The following PDGFRL variants were observed in gnomAD, a reference collection of about 807,000 sequenced individuals.
The protein encoded by PDGFRL is platelet-derived growth factor receptor-like protein.
A neutral mutation model predicts 37.2 loss-of-function variants in PDGFRL; 46 were observed. The ratio of observed to expected loss-of-function variants is 1.24; its 90% CI spans 0.98 to 1.58. The LOEUF (loss-of-function observed/expected upper bound fraction) is 1.58, where lower values mean the gene tolerates loss of function less well. Among genes scored for constraint, PDGFRL ranks in the 40% most tolerant of loss-of-function variants. The probability of loss-of-function intolerance (pLI) is 0.00; values close to 1 mark genes in which losing one functional copy is unlikely to be tolerated. For synonymous variants in PDGFRL, 251 were observed against 184.3 expected (o/e 1.36, Z -2.93); for missense variants, 692 against 467.6 (o/e 1.48, Z -4.43).
At chr8:17,600,598 G>C (rs1804145968) in intron 2 of PDGFRL, among the ~76,000 whole-genome samples, 1 of 151,546 alleles carries the variant, frequency 6.6e-6, no homozygotes, top group African/African-American at 2.4e-5. Flanking sequence ...CCAGGACTTT[G>C]AGACCAGCCT....
At chr8:17,590,660 C>T (rs1803917134) in intron 2 of PDGFRL, among the ~76,000 whole-genome samples, 1 of 151,404 alleles carries the variant, frequency 6.6e-6, no homozygotes, top group African/African-American at 2.4e-5. Context: ...TACAGTGAGC[C>T]GAGTTCGTAC....
upstream of PDGFRL, chr8:17,576,444 G>C (rs1039831474): frequency 1.3e-5 from 2 of 152,946 alleles, no homozygotes; most frequent in Non-Finnish European, 2.9e-5. Flanking sequence ...CTTCTGCCTT[G>C]TTATCAGAGG....
intron 5 of PDGFRL, among the ~76,000 whole-genome samples, chr8:17,640,754 TGCCAGGAGGTGGCACTTTAAAGACA>T: frequency 6.6e-6 from 1 of 152,254 alleles, no homozygotes; most frequent in East Asian, 1.9e-4. Flanking sequence ...GTTGGTCTTC[TGCCAGGAGGTGGCACTTTAAAGACA>T]GCATTAGCTG....
rs1221026647 is a variant in PDGFRL at position 17,589,480 on chromosome 8, A to G, written c.68A>G (p.His23Arg). The G allele has an allele frequency of 6.2e-7, 1 of 1,613,040 alleles. No homozygotes were observed. Among genetic ancestry groups the G allele is most frequent in the South Asian group, 1.1e-5 (1 of 91,036 alleles). ...TTACGTTTTGCAGTTACTGGCCAACACCTTCCCAAGAACAAGCGTCCAAAA... is the reference window on the plus strand; with the variant it reads ...TTACGTTTTGCAGTTACTGGCCAACGCCTTCCCAAGAACAAGCGTCCAAAA... The part of the protein sequence containing the change: ...HEALEDVTGQ[H>R]LPKNKRPKEP... The change falls in exon 2 of 6, where the codon CAC becomes CGC. Residue 23 changes from histidine to arginine, a missense_variant. By Grantham distance (29) the His-to-Arg change is conservative. Transcript: ENST00000251630.
At chr8:17,601,635 G>A (rs1804168631) in intron 2 of PDGFRL, among the ~76,000 whole-genome samples, 1 of 152,096 alleles carries the variant, frequency 6.6e-6, no homozygotes, top group Non-Finnish European at 1.5e-5. Flanking sequence ...CCACCTTCAA[G>A]TGGGCCCCTG....
At chr8:17,598,532 A>G (rs891875208) in intron 2 of PDGFRL, among the ~76,000 whole-genome samples, 2 of 152,234 alleles carry the variant, frequency 1.3e-5, no homozygotes, top group Non-Finnish European at 2.9e-5. Flanking sequence ...TCATTCATTC[A>G]TTCAGTATTT....
intron 2 of PDGFRL, among the ~76,000 whole-genome samples, chr8:17,593,253 A>G (rs369670889): frequency 6.6e-6 from 1 of 151,880 alleles, no homozygotes; most frequent in African/African-American, 2.4e-5. Context: ...ACCACTATAT[A>G]TATTTATGTA....
At chr8:17,622,550 G>A (rs1161204838) in intron 3 of PDGFRL, among the ~76,000 whole-genome samples, 1 of 152,228 alleles carries the variant, frequency 6.6e-6, no homozygotes, top group Non-Finnish European at 1.5e-5. Flanking sequence ...AGATGCATTA[G>A]TAGGGTATGC....
Position 17,628,749 on chromosome 8 carries a change from C to G in PDGFRL, c.768C>G (p.Ile256Met). Reference sequence around the variant, plus strand: ...CGGAGGCCGGGGGCAGATCTCAGATCTCCGTCAAGTACCAGCTGCTCTATG... The same window carrying G: ...CGGAGGCCGGGGGCAGATCTCAGATGTCCGTCAAGTACCAGCTGCTCTATG... ...CRAEAGGRSQ[I>M]SVKYQLLYVA... The change falls in exon 4 of 6, where the codon ATC (isoleucine) becomes ATG (methionine). Residue 256 changes from isoleucine (I) to methionine (M), a missense_variant. Coordinates refer to ENST00000251630, the MANE Select transcript of PDGFRL (RefSeq NM_001372073.1). 3 of 1,614,004 alleles carry G rather than the reference C, an allele frequency of 1.9e-6. No homozygotes were observed. Among genetic ancestry groups the G allele is most frequent in the South Asian group, 2.2e-5 (2 of 91,068 alleles).
At chr8:17,641,814 T>G (rs1805100802) in intron 5 of PDGFRL, among the ~76,000 whole-genome samples, 1 of 150,516 alleles carries the variant, frequency 6.6e-6, no homozygotes, top group Admixed American at 6.7e-5. Flanking sequence ...GGGAATAGTG[T>G]TTTCCGGCAT....
intron 2 of PDGFRL, among the ~76,000 whole-genome samples, chr8:17,606,642 T>A (rs2129687962): frequency 6.6e-6 from 1 of 152,256 alleles, no homozygotes; most frequent in Middle Eastern, 3.4e-3. Flanking sequence ...TCCCCCAGTG[T>A]ACTCAATGTT....
chr8:17,640,414 G>A (rs913551682), intron 5 of PDGFRL, among the ~76,000 whole-genome samples: 3 of 152,166 alleles, frequency 2.0e-5, no homozygotes, highest in Admixed American at 2.0e-4. Flanking sequence ...GACTATGGTA[G>A]AGGGAAGATC....
intron 5 of PDGFRL, 96 bp from the exon 6 acceptor site, chr8:17,642,517 C>G (rs1344442539): frequency 1.4e-6 from 1 of 740,220 alleles, no homozygotes; most frequent in Non-Finnish European, 2.4e-6. Flanking sequence ...ATGTGCTTTG[C>G]TCTCTGAAAG....
At chr8:17,589,421 A>G (rs768029756) in intron 1 of PDGFRL, 47 bp from the exon 2 acceptor site, 1 of 1,449,646 alleles carries the variant, frequency 6.9e-7, no homozygotes, top group South Asian at 1.3e-5. Flanking sequence ...CAAATATTCC[A>G]AAAATGTCAT....
At chr8:17,615,090 C>G (rs1804496095) in intron 2 of PDGFRL, among the ~76,000 whole-genome samples, 1 of 152,218 alleles carries the variant, frequency 6.6e-6, no homozygotes, top group Non-Finnish European at 1.5e-5. Flanking sequence ...TAAGTCTCAT[C>G]ATTGCCATCT....
intron 2 of PDGFRL, among the ~76,000 whole-genome samples, chr8:17,590,718 A>T (rs1803918469): frequency 6.6e-6 from 1 of 152,012 alleles, no homozygotes; most frequent in Non-Finnish European, 1.5e-5. Context: ...TCTCAAAAAA[A>T]TAAAAAAAAA....
intron 2 of PDGFRL, among the ~76,000 whole-genome samples, chr8:17,590,214 G>C (rs1350888678): frequency 4.5e-5 from 2 of 44,800 alleles, no homozygotes; most frequent in African/African-American, 1.0e-4. Context: ...CAGCCTGGGT[G>C]ACAGAGAGCG....
At position 17,639,563 on chromosome 8, in the gene PDGFRL, T is replaced by C. The variant is rs531717697; in HGVS notation, c.940-3050T>C. ...TTAGTTTTGCTGTACACAAAATTCT[T>C]AGATGATGATTCTTTTGTTTAAGGA... On this transcript the variant is annotated intron_variant, in intron 5 of 5. Coordinates refer to ENST00000251630, the MANE Select transcript of PDGFRL (RefSeq NM_001372073.1). Among the ~76,000 whole-genome samples the C allele has an allele frequency of 6.6e-5, 10 of 152,264 alleles. No individual in the cohort carries two copies. In the East Asian group the frequency reaches 1.9e-3, roughly 29 times the overall value.
At chr8:17,638,885 A>G (rs963148231) in intron 5 of PDGFRL, among the ~76,000 whole-genome samples, 2 of 150,062 alleles carry the variant, frequency 1.3e-5, no homozygotes, top group African/African-American at 4.9e-5. Flanking sequence ...GTTCTGTCTG[A>G]TATAAGAACA....
Sources: gnomAD v4.1 joint callset for allele counts (sites outside exome capture counted in the v4.1 genomes callset) on GRCh38, gnomAD v4.1.1 for gene constraint, MANE v1.5 for transcripts, NCBI Gene and HGNC (gene_info 2026-07-23, HGNC 2026-07-21) for gene names.